Variants in HDAC9 observed in about 807,000 individuals in gnomAD.
HDAC9 encodes histone deacetylase 9.
Under a neutral mutation model 139.4 loss-of-function variants are expected in HDAC9, and 41 were observed. That is an observed-to-expected ratio of 0.29 (90% CI 0.23 to 0.38). The LOEUF is 0.38. Among genes scored for constraint, HDAC9 ranks in the 10% least tolerant of loss-of-function variants. The pLI is 1.00. For synonymous variants in HDAC9, 517 were observed against 476.2 expected (o/e 1.09, Z -1.12); for missense variants, 1,147 against 1,297.0 (o/e 0.88, Z 1.78).
rs375830228 is a variant in HDAC9 at position 18,654,223 on chromosome 7, TG to T, written c.1467+5541del. 5.6e-3 allele frequency among the ~76,000 whole-genome samples: 850 copies of T among 152,294 alleles called. 8 individuals are homozygous for T. Among genetic ancestry groups the T allele is most frequent in the Middle Eastern group, 0.017 (5 of 294 alleles). The stretch of plus-strand genomic sequence containing the variant: ...AATGTAATTCTATCCATGGCTTACT[TG>T]TAAGCAAATTAAATGTTAAGTATAA... On this transcript the variant is annotated intron_variant, in intron 11 of 25. Coordinates refer to ENST00000686413, the MANE Select transcript of HDAC9 (RefSeq NM_178425.4).
intron 22 of HDAC9, among the ~76,000 whole-genome samples, chr7:18,927,045 A>C (rs1290692454): frequency 2.0e-5 from 3 of 152,234 alleles, no homozygotes; most frequent in Non-Finnish European, 4.4e-5. Flanking sequence ...TAAAATCTTA[A>C]CATGAAATGA....
At chr7:18,393,971 A>T (rs190698068) in intron 1 of HDAC9, among the ~76,000 whole-genome samples, 36 of 152,274 alleles carry the variant, frequency 2.4e-4, no homozygotes, top group African/African-American at 8.4e-4. Context: ...GTGAAGTTCA[A>T]ATTATCCCTT....
chr7:18,537,018 G>A (rs1222479888), intron 2 of HDAC9, among the ~76,000 whole-genome samples: 5 of 152,098 alleles, frequency 3.3e-5, no homozygotes, highest in Admixed American at 2.6e-4. Flanking sequence ...ACATTTCCAC[G>A]TTCTCCTGAC....
chr7:18,589,248 G>C (rs1479852514), intron 3 of HDAC9, among the ~76,000 whole-genome samples: 1 of 152,108 alleles, frequency 6.6e-6, no homozygotes, highest in East Asian at 1.9e-4. Flanking sequence ...GCTTCAGGCT[G>C]GGCAAGGTGG....
intron 1 of HDAC9, among the ~76,000 whole-genome samples, chr7:18,392,161 A>G (rs74455595): frequency 0.022 from 3,305 of 152,148 alleles, 129 homozygotes; most frequent in East Asian, 0.18. Context: ...TACTCAGCCT[A>G]TCTTGACCTT....
At chr7:18,594,564 T>C (rs527382520) in intron 6 of HDAC9, among the ~76,000 whole-genome samples, 35 of 152,184 alleles carry the variant, frequency 2.3e-4, no homozygotes, top group Non-Finnish European at 4.1e-4. Flanking sequence ...CAGAGTGAAA[T>C]TATATCTGAT....
intron 1 of HDAC9, chr7:18,290,665 A>T (rs1022308053): frequency 7.8e-5 from 30 of 385,782 alleles, no homozygotes; most frequent in African/African-American, 5.7e-4. Flanking sequence ...AGGTTTTCCA[A>T]TCAGTAACAG....
intron 22 of HDAC9, among the ~76,000 whole-genome samples, chr7:18,921,635 G>T (rs1179632256): frequency 1.3e-5 from 2 of 152,154 alleles, no homozygotes; most frequent in East Asian, 3.9e-4. Flanking sequence ...TGGTGGGACT[G>T]TTAACTAGTT....
chr7:18,741,404 C>A (rs1441776472), intron 13 of HDAC9, among the ~76,000 whole-genome samples: 1 of 152,154 alleles, frequency 6.6e-6, no homozygotes, highest in African/African-American at 2.4e-5. Context: ...ATAAATGGAA[C>A]CACAAAGCCT....
intron 2 of HDAC9, among the ~76,000 whole-genome samples, chr7:18,279,142 G>A (rs367679273): frequency 1.1e-4 from 16 of 152,124 alleles, no homozygotes; most frequent in African/African-American, 3.6e-4. Context: ...GCTCGCTTAC[G>A]AAGAAATGTT....
At chr7:18,893,953 GGAA>G (rs1800934541) in intron 22 of HDAC9, among the ~76,000 whole-genome samples, 1 of 152,160 alleles carries the variant, frequency 6.6e-6, no homozygotes, top group South Asian at 2.1e-4. Context: ...CAGTGCCAAA[GGAA>G]GAAGAAGGCA....
chr7:18,420,167 A>C (rs971066376), intron 1 of HDAC9, among the ~76,000 whole-genome samples: 1 of 152,228 alleles, frequency 6.6e-6, no homozygotes, highest in Non-Finnish European at 1.5e-5. Context: ...TCCTAAATGT[A>C]GTTTTCCTGC....
intron 1 of HDAC9, among the ~76,000 whole-genome samples, chr7:18,380,239 AG>A (rs1345647190): frequency 6.6e-6 from 1 of 152,232 alleles, no homozygotes; most frequent in Non-Finnish European, 1.5e-5. Context: ...ATTGATATAT[AG>A]TAAATAGGGA....
intron 2 of HDAC9, among the ~76,000 whole-genome samples, chr7:18,569,796 T>C (rs1295729327): frequency 6.6e-6 from 1 of 152,170 alleles, no homozygotes; most frequent in African/African-American, 2.4e-5. Flanking sequence ...GAACCTTCTG[T>C]TTCTCTAATT....
intron 1 of HDAC9, among the ~76,000 whole-genome samples, chr7:18,444,803 A>G (rs12671193): frequency 0.035 from 5,344 of 152,268 alleles, 119 homozygotes; most frequent in African/African-American, 0.067. Context: ...ATTTTTCTCA[A>G]AGTAAGGTCT....
At chr7:18,341,644 G>A (rs1240412839) in intron 1 of HDAC9, among the ~76,000 whole-genome samples, 1 of 151,606 alleles carries the variant, frequency 6.6e-6, no homozygotes, top group Admixed American at 6.6e-5. Flanking sequence ...AGGGGATACA[G>A]TGACACAACT....
At chr7:18,438,195 T>A (rs1477918714) in intron 1 of HDAC9, among the ~76,000 whole-genome samples, 1 of 151,898 alleles carries the variant, frequency 6.6e-6, no homozygotes, top group South Asian at 2.1e-4. Flanking sequence ...ACACAATTCA[T>A]AGAAGAAGAA....
At position 18,644,761 on chromosome 7, in the gene HDAC9, T is replaced by G. The variant is rs780784710; in HGVS notation, c.1003T>G (p.Leu335Val). ...CTCTCCTTCTTTGCCCAACATTACC[T>G]TGGGGCTTCCCGCAGTGCCATCCCA... is the stretch of plus-strand genomic sequence containing the variant. ...YTSPSLPNIT[L>V]GLPAVPSQLN... The change falls in exon 9 of 26, where the codon TTG (leucine) becomes GTG (valine). Residue 335 changes from leucine (L) to valine (V), a missense_variant. Leu to Val is a conservative substitution (Grantham distance 32). Transcript: ENST00000686413. 6.2e-7 allele frequency: 1 copy of G among 1,612,116 alleles called. No homozygotes were observed. The highest frequency in any genetic ancestry group is 8.5e-7 in the Non-Finnish European group (1 of 1,178,916).
At chr7:18,665,711 G>A (rs1403551510) in intron 11 of HDAC9, among the ~76,000 whole-genome samples, 2 of 151,972 alleles carry the variant, frequency 1.3e-5, no homozygotes, top group Admixed American at 1.3e-4. Flanking sequence ...TCATTTGACT[G>A]TCGTTTCTCT....
Sources: gnomAD v4.1 joint callset for allele counts (sites outside exome capture counted in the v4.1 genomes callset) on GRCh38, gnomAD v4.1.1 for gene constraint, MANE v1.5 for transcripts, NCBI Gene and HGNC (gene_info 2026-07-23, HGNC 2026-07-21) for gene names.